The following SDHAF4 variants were observed in gnomAD, a reference collection of about 807,000 sequenced individuals.
The protein encoded by SDHAF4 is succinate dehydrogenase assembly factor 4, mitochondrial.
Under a neutral mutation model 14.3 loss-of-function variants are expected in SDHAF4, and 14 were observed. The ratio of observed to expected loss-of-function variants is 0.98; its 90% confidence interval spans 0.65 to 1.53. SDHAF4 has a LOEUF of 1.53. SDHAF4 is among the 40% of genes most tolerant of loss of function. The pLI, the probability that SDHAF4 is intolerant of heterozygous loss-of-function variation, is 0.00. For missense variants in SDHAF4, 141 were observed against 129.3 expected (o/e 1.09, Z -0.44); for synonymous variants, 63 against 47.3 (o/e 1.33, Z -1.36).
At chr6:70,574,335 A>T (rs1312052152) in intron 1 of SDHAF4, among the ~76,000 whole-genome samples, 1 of 151,876 alleles carries the variant, frequency 6.6e-6, no homozygotes, top group Non-Finnish European at 1.5e-5. Flanking sequence ...AAAAGAAAAA[A>T]AAAAAAGATG....
chr6:70,575,429 A>C (rs906073563), intron 1 of SDHAF4, among the ~76,000 whole-genome samples: 13 of 151,904 alleles, frequency 8.6e-5, no homozygotes, highest in African/African-American at 2.7e-4. Context: ...TGTCTACTGA[A>C]AATACAAAAA....
intron 1 of SDHAF4, among the ~76,000 whole-genome samples, chr6:70,572,637 C>G (rs564060913): frequency 6.6e-6 from 1 of 150,946 alleles, no homozygotes; most frequent in South Asian, 2.1e-4. Context: ...TCTTATTTTT[C>G]CATTTTCCGT....
At chr6:70,571,414 A>C (rs1258777651) in intron 1 of SDHAF4, among the ~76,000 whole-genome samples, 1 of 152,142 alleles carries the variant, frequency 6.6e-6, no homozygotes, top group Admixed American at 6.5e-5. Flanking sequence ...TCCCGGGTTC[A>C]AGTTATTCTT....
intron 1 of SDHAF4, 93 bp from the exon 2 acceptor site, chr6:70,579,320 TG>T: frequency 9.9e-7 from 1 of 1,007,990 alleles, no homozygotes; most frequent in Admixed American, 3.4e-5. Flanking sequence ...GAAATGTGAA[TG>T]TATAAACTAA....
intron 1 of SDHAF4, among the ~76,000 whole-genome samples, chr6:70,575,483 A>G (rs1463245001): frequency 6.6e-6 from 1 of 150,674 alleles, no homozygotes; most frequent in Non-Finnish European, 1.5e-5. Context: ...CTCTGTTCAA[A>G]AAAAAAAAAA....
At chr6:70,567,831 G>A (rs1802122293) in intron 1 of SDHAF4, among the ~76,000 whole-genome samples, 1 of 151,992 alleles carries the variant, frequency 6.6e-6, no homozygotes, top group Non-Finnish European at 1.5e-5. Context: ...GACTACAGGC[G>A]CCCGCCACCG....
rs138355099 is a variant in SDHAF4 at position 70,584,358 on chromosome 6, G to T, written c.218-4257G>T. On this transcript the variant is annotated intron_variant, in intron 2 of 2. Coordinates refer to ENST00000370474, the MANE Select transcript of SDHAF4 (RefSeq NM_145267.3). ...TTTACAGCCATGGAAACCACACAAAGTGTAAAATAGTTCTGTCCCCTAAAG... is the reference window on the plus strand; with the variant it reads ...TTTACAGCCATGGAAACCACACAAATTGTAAAATAGTTCTGTCCCCTAAAG... 3.7e-3 allele frequency among the ~76,000 whole-genome samples: 566 copies of T among 152,274 alleles called. 8 individuals carry two copies. The highest frequency in any genetic ancestry group is 0.013 in the African/African-American group (549 of 41,552).
chr6:70,573,664 T>C (rs1581926847), intron 1 of SDHAF4, among the ~76,000 whole-genome samples: 2 of 151,586 alleles, frequency 1.3e-5, no homozygotes, highest in Admixed American at 1.3e-4. Context: ...TTTTCTTTTC[T>C]TTTCTTTTTT....
chr6:70,582,585 C>G (rs1442940288), intron 2 of SDHAF4, among the ~76,000 whole-genome samples: 1 of 152,134 alleles, frequency 6.6e-6, no homozygotes, highest in East Asian at 1.9e-4. Context: ...ATCTCATATC[C>G]TCCTCTTCCT....
chr6:70,569,245 T>C (rs1195035574), intron 1 of SDHAF4, among the ~76,000 whole-genome samples: 1 of 151,912 alleles, frequency 6.6e-6, no homozygotes, highest in Non-Finnish European at 1.5e-5. Flanking sequence ...ATTACAGGCG[T>C]GAGCCACCGC....
chr6:70,583,157 G>A (rs1312431561), intron 2 of SDHAF4, among the ~76,000 whole-genome samples: 1 of 152,206 alleles, frequency 6.6e-6, no homozygotes, highest in Non-Finnish European at 1.5e-5. Context: ...CTGTCACCCA[G>A]GCTGGAGGAC....
At chr6:70,583,675 TAAACAA>T (rs926047331) in intron 2 of SDHAF4, among the ~76,000 whole-genome samples, 6 of 152,278 alleles carry the variant, frequency 3.9e-5, no homozygotes, top group East Asian at 3.9e-4. Flanking sequence ...GCTGATGAGC[TAAACAA>T]AAACAAAAAC....
rs984000042 is a variant in SDHAF4, at chr6:70,579,563, G to A, written c.214G>A (p.Glu72Lys). The part of the protein sequence containing the change: ...EDSHLEKEPL[E>K]KFPDDVNPVT... ...TTCCCATTTAGAGAAAGAACCACTGGAAAGTAAGTATAATAAAGCACCTCT... is the reference window on the plus strand; with the variant it reads ...TTCCCATTTAGAGAAAGAACCACTGAAAAGTAAGTATAATAAAGCACCTCT... Residue 72 changes from glutamate (E) to lysine (K), a missense_variant, in exon 2 of 3, where the codon GAA (glutamate) becomes AAA (lysine). By Grantham distance (56) the Glu-to-Lys change is moderately conservative (BLOSUM62 1). Transcript: ENST00000370474. 6.3e-7 allele frequency: 1 copy of A among 1,590,552 alleles called. No homozygotes were observed. The highest frequency in any genetic ancestry group is 1.4e-5 in the African/African-American group (1 of 73,798).
At chr6:70,577,247 T>G (rs528500173) in intron 1 of SDHAF4, among the ~76,000 whole-genome samples, 1 of 152,354 alleles carries the variant, frequency 6.6e-6, no homozygotes, top group Admixed American at 6.5e-5. Context: ...ACCAAAATTC[T>G]TCACCGTGTA....
Position 70,579,508 on chromosome 6 carries a change from A to G in SDHAF4, c.159A>G (p.Leu53=). The G allele has an allele frequency of 6.2e-7, 1 of 1,611,744 alleles. No individual in the cohort carries two copies. Residue 53 remains leucine (L), a synonymous_variant, in exon 2 of 3, where the codon TTA becomes TTG. Coordinates refer to ENST00000370474, the MANE Select transcript of SDHAF4 (RefSeq NM_145267.3). The part of the protein sequence containing the change: ...LVKQSLKKPK[L]PEGRFDAPED... ...AACAGTCCCTTAAGAAGCCGAAGTTACCAGAAGGTCGTTTTGATGCACCAG... is the reference window on the plus strand; with the variant it reads ...AACAGTCCCTTAAGAAGCCGAAGTTGCCAGAAGGTCGTTTTGATGCACCAG...
chr6:70,597,299 A>ATTTTTTTTTTTTTTT, the SDHAF4 span, among the ~76,000 whole-genome samples: 48 of 108,096 alleles, frequency 4.4e-4, no homozygotes, highest in African/African-American at 9.4e-4. Flanking sequence ...CGCCTGGCTA[A>ATTTTTTTTTTTTTTT]TTTTTTTTTT....
chr6:70,587,606 G>A (rs111617325), intron 2 of SDHAF4, among the ~76,000 whole-genome samples: 20 of 152,328 alleles, frequency 1.3e-4, no homozygotes, highest in African/African-American at 4.8e-4. Flanking sequence ...ACTGCAGCCA[G>A]GATGTCTGAA....
In SDHAF4 at chr6:70,571,524, A is replaced by T. The variant is rs113915681; in HGVS notation, c.64+4520A>T. 4.3e-3 allele frequency among the ~76,000 whole-genome samples: 650 copies of T among 152,298 alleles called. 3 individuals carry two copies. Among genetic ancestry groups the T allele is most frequent in the African/African-American group, 0.015 (614 of 41,554 alleles). On this transcript the variant is annotated intron_variant, in intron 1 of 2. Coordinates refer to ENST00000370474, the MANE Select transcript of SDHAF4 (RefSeq NM_145267.3). ...GAGACAGGGTTTCACCATATTGGCCAGGCTGATCTCAAACTTCTGACCTCG... is the reference window on the plus strand; with the variant it reads ...GAGACAGGGTTTCACCATATTGGCCTGGCTGATCTCAAACTTCTGACCTCG...
intron 1 of SDHAF4, among the ~76,000 whole-genome samples, chr6:70,571,377 C>T (rs895624365): frequency 6.6e-6 from 1 of 152,030 alleles, no homozygotes; most frequent in Non-Finnish European, 1.5e-5. Context: ...CTGTAATTTT[C>T]TTCTATTATA....
Sources: allele counts gnomAD v4.1 joint callset (sites outside exome capture counted in the v4.1 genomes callset), GRCh38; gene constraint gnomAD v4.1.1; transcripts MANE v1.5; gene names NCBI Gene and HGNC (gene_info 2026-07-23, HGNC 2026-07-21).